Variants in SDC4 observed in about 807,000 individuals in gnomAD.
The protein encoded by SDC4 is syndecan-4.
SDC4 carries 17 observed loss-of-function variants against 20.5 expected under a neutral mutation model. That is an observed-to-expected ratio of 0.83 (90% CI 0.57 to 1.25). The LOEUF (loss-of-function observed/expected upper bound fraction) is 1.25, where lower values mean the gene tolerates loss of function less well. SDC4 is among the 50% of genes most tolerant of loss of function. The pLI is 0.00. For missense variants in SDC4, 241 were observed against 252.3 expected, an observed-to-expected ratio of 0.96 and a Z score of 0.30; for synonymous variants, 107 against 105.3, an observed-to-expected ratio of 1.02 and a Z score of -0.10.
At chr20:45,328,216 G>A (rs1353880917) in intron 4 of SDC4, among the ~76,000 whole-genome samples, 1 of 152,116 alleles carries the variant, frequency 6.6e-6, no homozygotes, top group Admixed American at 6.5e-5. Context: ...AAACTCTTAT[G>A]TTACAATTAC....
chr20:45,326,677 TC>T lies in SDC4; in HGVS notation c.*586del. On this transcript the variant is annotated 3_prime_UTR_variant, in exon 5 of 5. Coordinates refer to ENST00000372733, the MANE Select transcript of SDC4 (RefSeq NM_002999.4). ...AAACTCTCAGCTCTTTTCCCCATCCTCCCCCCCAAATAAAAAAGGTTGATTT... is the reference window on the plus strand; with the variant it reads ...AAACTCTCAGCTCTTTTCCCCATCCTCCCCCCAAATAAAAAAGGTTGATTT... 1 of 151,714 alleles carries T rather than the reference TC, an allele frequency of 6.6e-6. No homozygotes were observed. Among genetic ancestry groups the T allele is most frequent in the Non-Finnish European group, 1.5e-5 (1 of 67,842 alleles). 9.4% of individuals were successfully genotyped at this position (151,714 alleles called of 1,614,324 possible).
At chr20:45,336,998 C>A (rs547881633) in intron 1 of SDC4, among the ~76,000 whole-genome samples, 40 of 152,116 alleles carry the variant, frequency 2.6e-4, no homozygotes, top group African/African-American at 9.4e-4. Flanking sequence ...TCAGCCACTA[C>A]CCTGTGGAGA....
intron 2 of SDC4, among the ~76,000 whole-genome samples, chr20:45,333,957 AAG>A (rs1987821115): frequency 7.5e-5 from 3 of 40,154 alleles, no homozygotes; most frequent in African/African-American, 2.0e-4. Context: ...AAAAAAAAAG[AAG>A]AAGAAATGTA....
At chr20:45,336,026 GC>G in intron 1 of SDC4, 106 bp from the exon 2 acceptor site, 1 of 1,295,534 alleles carries the variant, frequency 7.7e-7, no homozygotes, top group Non-Finnish European at 1.1e-6. Context: ...AAGAGACCAG[GC>G]CAGGGCCTGG....
intron 1 of SDC4, among the ~76,000 whole-genome samples, chr20:45,342,888 G>A (rs1372378660): frequency 2.0e-5 from 3 of 152,164 alleles, no homozygotes; most frequent in African/African-American, 4.8e-5. Context: ...AACTCTGGCC[G>A]GGTTAAGAAC....
intron 1 of SDC4, among the ~76,000 whole-genome samples, chr20:45,337,880 G>T (rs555126825): frequency 6.6e-6 from 1 of 152,356 alleles, no homozygotes; most frequent in African/African-American, 2.4e-5. Context: ...ACCCGTGGGG[G>T]TGGAAAGCCA....
Position 45,341,776 on chromosome 20 carries a change from C to A in SDC4, c.61-5856G>T, listed in dbSNP as rs556401417. Among the ~76,000 whole-genome samples the A allele has an allele frequency of 4.6e-5, 7 of 152,244 alleles. No individual in the cohort carries two copies. In the South Asian group the frequency reaches 1.5e-3, roughly 32 times the overall value. On this transcript the variant is annotated intron_variant, in intron 1 of 4. Coordinates refer to ENST00000372733, the MANE Select transcript of SDC4 (RefSeq NM_002999.4). Reference sequence around the variant, plus strand: ...CACCAAGCCTCAGGGCAGCCCATTCCCACAGCAAGAACTCCAGGATCCTAG... The same window carrying A: ...CACCAAGCCTCAGGGCAGCCCATTCACACAGCAAGAACTCCAGGATCCTAG...
rs35186241 is a variant in SDC4, at chr20:45,326,383, T to TAAAAAAAAAAAAAAAAA, written c.*864_*880dup. On this transcript the variant is annotated 3_prime_UTR_variant, in exon 5 of 5. Coordinates refer to ENST00000372733, the MANE Select transcript of SDC4 (RefSeq NM_002999.4). Reference sequence around the variant, plus strand: ...AGGCCCTATCTAAAGCTATAAATAGTAAAAAAAAAAAAAAAAAAAAAAAAT... The same window carrying TAAAAAAAAAAAAAAAAA: ...AGGCCCTATCTAAAGCTATAAATAGTAAAAAAAAAAAAAAAAAAAAAAAAAAAAAAAAAAAAAAAAAT... 2.0e-5 allele frequency: 2 copies of TAAAAAAAAAAAAAAAAA among 97,702 alleles called. No individual in the cohort carries two copies. Among genetic ancestry groups the TAAAAAAAAAAAAAAAAA allele is most frequent in the Non-Finnish European group, 4.1e-5 (2 of 49,040 alleles). The allele number at this position is 97,702 out of a possible 1,614,324, so 6.1% of individuals were successfully genotyped here. A position where few individuals can be genotyped will look rare whatever the true frequency, so the allele number is the denominator to read the frequency against.
In SDC4 at chr20:45,330,514, G is replaced by T. The variant is rs1987761447; in HGVS notation, c.297C>A (p.Val99=). 6.2e-7 allele frequency: 1 copy of T among 1,614,040 alleles called. No individual in the cohort carries two copies. The highest frequency in any genetic ancestry group is 8.5e-7 in the Non-Finnish European group (1 of 1,180,042). ...CCTCTAGTTTCTTGGGTTCGGTGGG[G>T]ACTTGGCTCCCAGACCCTGCCCTCT... ...IPERAGSGSQ[V]PTEPKKLEEN... Residue 99 remains valine (V), a synonymous_variant, in exon 4 of 5, where the codon GTC becomes GTA. Transcript: ENST00000372733.
intron 1 of SDC4, among the ~76,000 whole-genome samples, chr20:45,341,413 C>G (rs567465733): frequency 6.6e-6 from 1 of 152,198 alleles, no homozygotes; most frequent in Non-Finnish European, 1.5e-5. Flanking sequence ...TAGTCAGAGA[C>G]CTGCCCAAGG....
At position 45,326,218 on chromosome 20, in the gene SDC4, CTA is replaced by C. The variant is rs1011056132; in HGVS notation, c.*1044_*1045del. On this transcript the variant is annotated 3_prime_UTR_variant, in exon 5 of 5. Coordinates refer to ENST00000372733, the MANE Select transcript of SDC4 (RefSeq NM_002999.4). ...TATTTTGGGATCTGCTAAAAAAAAACTATGTTTCGGCAAAAGCTATTTTATAA... is the reference window on the plus strand; with the variant it reads ...TATTTTGGGATCTGCTAAAAAAAAACTGTTTCGGCAAAAGCTATTTTATAA... 4 of 151,318 alleles carry C rather than the reference CTA, an allele frequency of 2.6e-5. No homozygotes were observed. Among genetic ancestry groups the C allele is most frequent in the African/African-American group, 9.7e-5 (4 of 41,204 alleles). 9.4% of individuals were successfully genotyped at this position (151,318 alleles called of 1,614,324 possible). A position where few individuals can be genotyped will look rare whatever the true frequency, so the allele number is the denominator to read the frequency against.
In SDC4 at chr20:45,327,243, G is replaced by C; in HGVS notation, c.*21C>G. 1.2e-6 allele frequency: 2 copies of C among 1,613,764 alleles called. No homozygotes were observed. The highest frequency in any genetic ancestry group is 1.7e-6 in the Non-Finnish European group (2 of 1,179,798). On this transcript the variant is annotated 3_prime_UTR_variant, in exon 5 of 5. Coordinates refer to ENST00000372733, the MANE Select transcript of SDC4 (RefSeq NM_002999.4). ...GGCTTCCCTCCCCGCTAAAGTCCAA[G>C]CCAGTGCCCACAAGCAAGCTTCACG...
chr20:45,340,063 G>A (rs901793672), intron 1 of SDC4, among the ~76,000 whole-genome samples: 24 of 152,158 alleles, frequency 1.6e-4, no homozygotes, highest in Non-Finnish European at 2.5e-4. Flanking sequence ...CCCTTCCAGG[G>A]TGTTGGCTGC....
At position 45,327,180 on chromosome 20, in the gene SDC4, C is replaced by T. The variant is rs1987703951; in HGVS notation, c.*84G>A. On this transcript the variant is annotated 3_prime_UTR_variant, in exon 5 of 5. Transcript: ENST00000372733. The stretch of plus-strand genomic sequence containing the variant: ...TACTGACAAGTCAGTATTAGGTTGA[C>T]CTCACCCTACCCTAATGTCCACCCT... The T allele has an allele frequency of 2.0e-6, 3 of 1,468,290 alleles. No individual in the cohort carries two copies. The highest frequency in any genetic ancestry group is 3.4e-5 in the Admixed American group (2 of 58,290). 91.0% of individuals were successfully genotyped at this position (1,468,290 alleles called of 1,614,324 possible).
chr20:45,329,934 C>T (rs959149837), intron 4 of SDC4, among the ~76,000 whole-genome samples: 2 of 152,256 alleles, frequency 1.3e-5, no homozygotes, highest in Non-Finnish European at 2.9e-5. Context: ...TCATCAAGTT[C>T]GAAAGCTTCT....
chr20:45,346,413 G>A (rs1600735927), intron 1 of SDC4, among the ~76,000 whole-genome samples: 1 of 152,220 alleles, frequency 6.6e-6, no homozygotes, highest in South Asian at 2.1e-4. Context: ...GCAGCTGATG[G>A]GTCACCCAGG....
At chr20:45,344,044 A>G (rs2284278) in intron 1 of SDC4, among the ~76,000 whole-genome samples, 32,220 of 152,188 alleles carry the variant, frequency 0.21, 3,572 homozygotes, top group East Asian at 0.37. Context: ...AGCAAAGAGG[A>G]GTCCTCACAA....
intron 1 of SDC4, among the ~76,000 whole-genome samples, chr20:45,337,928 C>T (rs748238854): frequency 6.6e-6 from 1 of 152,212 alleles, no homozygotes; most frequent in Non-Finnish European, 1.5e-5. Context: ...CTTCATGACT[C>T]GGGAATCAGG....
chr20:45,331,346 G>A (rs1394064815), intron 3 of SDC4, among the ~76,000 whole-genome samples: 1 of 152,168 alleles, frequency 6.6e-6, no homozygotes, highest in Non-Finnish European at 1.5e-5. Flanking sequence ...TATTCAGCAT[G>A]AAGAAGTTAT....
Sources: gnomAD v4.1 joint callset for allele counts (sites outside exome capture counted in the v4.1 genomes callset) on GRCh38, gnomAD v4.1.1 for gene constraint, MANE v1.5 for transcripts, NCBI Gene and HGNC (gene_info 2026-07-23, HGNC 2026-07-21) for gene names.